The following COL12A1 variants were observed in gnomAD, a reference collection of about 807,000 sequenced individuals.
The protein encoded by COL12A1 is collagen alpha-1(XII) chain.
A neutral mutation model predicts 349.7 loss-of-function variants in COL12A1; 114 were observed. The observed-to-expected ratio is 0.33, with a 90% CI of 0.28 to 0.38. The LOEUF (loss-of-function observed/expected upper bound fraction) is 0.38. Ranked by LOEUF, COL12A1 falls within the 10% of genes least tolerant of loss-of-function variation. COL12A1 has a pLI of 1.00. For synonymous variants in COL12A1, 1,369 were observed against 1,329.0 expected, an observed-to-expected ratio of 1.03 and a Z score of -0.66; for missense variants, 3,284 against 3,756.9, an observed-to-expected ratio of 0.87 and a Z score of 3.29.
At chr6:75,185,271 G>A (rs1321449819) in intron 8 of COL12A1, among the ~76,000 whole-genome samples, 1 of 152,168 alleles carries the variant, frequency 6.6e-6, no homozygotes, top group Non-Finnish European at 1.5e-5. Flanking sequence ...CTTTAGCAAA[G>A]TCTCAGGATA....
At chr6:75,149,909 C>A (rs1479105953) in intron 21 of COL12A1, among the ~76,000 whole-genome samples, 1 of 152,118 alleles carries the variant, frequency 6.6e-6, no homozygotes, top group Non-Finnish European at 1.5e-5. Flanking sequence ...AAAACTACAA[C>A]TCTCTCAGCT....
intron 58 of COL12A1, among the ~76,000 whole-genome samples, chr6:75,098,688 C>T (rs1472212949): frequency 1.3e-5 from 2 of 152,104 alleles, no homozygotes; most frequent in African/African-American, 4.8e-5. Context: ...GCTGTCTTAA[C>T]TGCCCTCCAC....
intron 1 of COL12A1, among the ~76,000 whole-genome samples, chr6:75,203,986 A>G (rs1403911567): frequency 6.6e-6 from 1 of 152,232 alleles, no homozygotes; most frequent in African/African-American, 2.4e-5. Context: ...TCCAACGATG[A>G]CTTTCCAAAT....
At chr6:75,153,544 A>G (rs975929480) in intron 17 of COL12A1, among the ~76,000 whole-genome samples, 27 of 152,124 alleles carry the variant, frequency 1.8e-4, no homozygotes, top group African/African-American at 6.0e-4. Context: ...TACAAAAGAA[A>G]TCATTGGAAA....
In COL12A1 at chr6:75,128,323, C is replaced by T; in HGVS notation, c.6313G>A (p.Gly2105Ser). The T allele has an allele frequency of 1.2e-6, 2 of 1,603,528 alleles. No homozygotes were observed. The highest frequency in any genetic ancestry group is 2.3e-5 in the East Asian group (1 of 44,444). Residue 2105 changes from glycine to serine, a missense_variant, in exon 38 of 66, where the codon GGC becomes AGC. Around this residue, in one of 2 missense-constraint regions of COL12A1, gnomAD observed 2,601 missense variants for 2,824.8 expected, o/e 0.92. Coordinates refer to ENST00000322507, the MANE Select transcript of COL12A1 (RefSeq NM_004370.6). ...GTTCTTCCATTTCCTGTTAGATGGC[C>T]ACCATCTCCATCTTCATAAACAGCA... ...VIAVYEDGDGGHLTGNGRTVG... is the reference protein window; with the variant it reads ...VIAVYEDGDGSHLTGNGRTVG...
chr6:75,140,655 CAAAAAAA>C (rs1236499281), intron 27 of COL12A1, among the ~76,000 whole-genome samples: 2 of 46,136 alleles, frequency 4.3e-5, no homozygotes, highest in East Asian at 1.2e-3. Flanking sequence ...GACTCTGTCT[CAAAAAAA>C]AAAAAAAAAA....
chr6:75,156,526 G>T lies in COL12A1; in HGVS notation c.2984-3C>A. The T allele has an allele frequency of 6.2e-7, 1 of 1,612,806 alleles. No homozygotes were observed. The stretch of plus-strand genomic sequence containing the variant: ...CAGGGTTTTGGAATCTTGAGATACT[G>T]GGAGATAAAAGGAAGATTAAACTGT... On this transcript the variant is annotated splice_region_variant and splice_polypyrimidine_tract_variant and intron_variant, in intron 14 of 65. Coordinates refer to ENST00000322507, the MANE Select transcript of COL12A1 (RefSeq NM_004370.6).
In COL12A1 at chr6:75,128,251, G is replaced by T; in HGVS notation, c.6340+45C>A. 2.0e-6 allele frequency: 3 copies of T among 1,506,040 alleles called. No homozygotes were observed. In the South Asian group the frequency reaches 4.4e-5, roughly 22 times the overall value. 93.3% of individuals were successfully genotyped at this position (1,506,040 alleles called of 1,614,324 possible). Reference sequence around the variant, plus strand: ...GGTATAAAAGCAACATTAACATATTGACAATTTCAAAGCAAAAATAAAAGG... The same window carrying T: ...GGTATAAAAGCAACATTAACATATTTACAATTTCAAAGCAAAAATAAAAGG... On this transcript the variant is annotated intron_variant, in intron 38 of 65. Coordinates refer to ENST00000322507, the MANE Select transcript of COL12A1 (RefSeq NM_004370.6).
intron 47 of COL12A1, among the ~76,000 whole-genome samples, chr6:75,116,978 AC>A (rs1260661505): frequency 2.0e-5 from 3 of 152,164 alleles, no homozygotes; most frequent in Non-Finnish European, 4.4e-5. Context: ...TTTCTGAGGA[AC>A]CATTTTTCTT....
chr6:75,168,310 C>G (rs1196588973), intron 13 of COL12A1, among the ~76,000 whole-genome samples: 1 of 152,142 alleles, frequency 6.6e-6, no homozygotes, highest in East Asian at 1.9e-4. Flanking sequence ...GTACTCATGA[C>G]AAGTAAATGT....
In COL12A1 at chr6:75,138,303, T is replaced by A. The variant is rs1766722460; in HGVS notation, c.5251+17A>T. 6.3e-7 allele frequency: 1 copy of A among 1,599,358 alleles called. No homozygotes were observed. Among genetic ancestry groups the A allele is most frequent in the African/African-American group, 1.3e-5 (1 of 74,398 alleles). ...ATTATTTGTTCATTCAAACAATTCA[T>A]CAAATTAAATTCTTACCTTGTGTTG... On this transcript the variant is annotated intron_variant, in intron 30 of 65. Transcript: ENST00000322507.
chr6:75,164,866 G>A, intron 14 of COL12A1, among the ~76,000 whole-genome samples: 1 of 151,668 alleles, frequency 6.6e-6, no homozygotes, highest in Admixed American at 6.6e-5. Context: ...GTAAGAGTGA[G>A]GTAAATCTGA....
Position 75,113,774 on chromosome 6 carries a change from G to A in COL12A1, c.7698-30C>T, listed in dbSNP as rs758777148. 6 of 1,505,324 alleles carry A rather than the reference G, an allele frequency of 4.0e-6. No individual in the cohort carries two copies. In the South Asian group the frequency reaches 7.9e-5, roughly 20 times the overall value. 93.2% of individuals were successfully genotyped at this position (1,505,324 alleles called of 1,614,324 possible). On this transcript the variant is annotated intron_variant, in intron 49 of 65. Coordinates refer to ENST00000322507, the MANE Select transcript of COL12A1 (RefSeq NM_004370.6). ...TGGATAAAACAAAAGAAAGAAAAAG[G>A]AGAGGAAAGAAAAAAAGAAAGGAAG...
intron 65 of COL12A1, 132 bp downstream of exon 65, chr6:75,087,445 A>G (rs1158473151): frequency 5.1e-6 from 4 of 788,126 alleles, no homozygotes; most frequent in Non-Finnish European, 8.2e-6. Context: ...CTATTATTAT[A>G]TAATCAGAAC....
intron 5 of COL12A1, among the ~76,000 whole-genome samples, chr6:75,190,598 C>A (rs1243043293): frequency 6.6e-6 from 1 of 151,870 alleles, no homozygotes; most frequent in East Asian, 1.9e-4. Flanking sequence ...AATATGTTAT[C>A]TTTCCTTCTC....
chr6:75,159,688 C>T lies in COL12A1; in HGVS notation c.2984-3165G>A, dbSNP rs137932295. On this transcript the variant is annotated intron_variant, in intron 14 of 65. Transcript: ENST00000322507. ...TCTCTTAAATTTTTACTCAGTGGAACAAGACATTCTCTCTCTTACAAAATT... is the reference window on the plus strand; with the variant it reads ...TCTCTTAAATTTTTACTCAGTGGAATAAGACATTCTCTCTCTTACAAAATT... Among the ~76,000 whole-genome samples the T allele has an allele frequency of 5.9e-5, 9 of 151,528 alleles. No individual in the cohort carries two copies. The East Asian group carries it at 1.5e-3, about 26-fold the overall frequency.
intron 53 of COL12A1, 122 bp from the exon 54 acceptor site, chr6:75,105,414 T>C: frequency 1.5e-6 from 1 of 685,006 alleles, no homozygotes; most frequent in East Asian, 2.7e-5. Flanking sequence ...ATTTTAATTA[T>C]CATTATGAAT....
intron 12 of COL12A1, among the ~76,000 whole-genome samples, chr6:75,177,412 CAGAG>C (rs1185505937): frequency 1.3e-5 from 2 of 151,886 alleles, no homozygotes; most frequent in Non-Finnish European, 2.9e-5. Context: ...GCTTGGGCAA[CAGAG>C]AGAGACTCTG....
At chr6:75,089,269 T>C in intron 63 of COL12A1, 95 bp from the exon 64 acceptor site, 2 of 911,008 alleles carry the variant, frequency 2.2e-6, no homozygotes, top group South Asian at 3.5e-5. Context: ...AAGTAATTCA[T>C]TTCCTTAGTG....
Sources: allele counts gnomAD v4.1 joint callset (sites outside exome capture counted in the v4.1 genomes callset), GRCh38; gene constraint gnomAD v4.1.1; regional missense constraint gnomAD v4.1.1; transcripts MANE v1.5; gene names NCBI Gene and HGNC (gene_info 2026-07-23, HGNC 2026-07-21).